ARID4A: variants seen among roughly 807,000 people sequenced by gnomAD.
The protein encoded by ARID4A is AT-rich interaction domain 4A, also known as AT-rich interactive domain-containing protein 4A.
Under a neutral mutation model 148.6 loss-of-function variants are expected in ARID4A, and 39 were observed. The ratio of observed to expected loss-of-function variants is 0.26; its 90% CI spans 0.20 to 0.34. The LOEUF (loss-of-function observed/expected upper bound fraction) is 0.34. Among genes scored for constraint, ARID4A ranks in the 10% least tolerant of loss-of-function variants. The pLI, the probability that ARID4A is intolerant of heterozygous loss-of-function variation, is 1.00. For synonymous variants in ARID4A, 475 were observed against 481.2 expected (o/e 0.99, Z 0.17); for missense variants, 1,265 against 1,449.1 (o/e 0.87, Z 2.06).
chr14:58,301,825 A>G, intron 3 of ARID4A, 135 bp downstream of exon 3: 1 of 513,880 alleles, frequency 1.9e-6, no homozygotes, highest in African/African-American at 2.0e-5. Flanking sequence ...GGAAAAGCAC[A>G]TCAAAAATAA....
Position 58,318,611 on chromosome 14 carries a change from CAG to C in ARID4A, c.349_350del (p.Ser117Ter). On this transcript the variant is annotated frameshift_variant, in exon 6 of 24. Coordinates refer to ENST00000355431, the MANE Select transcript of ARID4A (RefSeq NM_002892.4). LOFTEE classifies it high-confidence loss of function. ...TGTCTGAAAGGAGAGAGACATTTTG[CAG>C]AGAGTGAGGTAGGGTGACACGGATG... 6.2e-7 allele frequency: 1 copy of C among 1,614,118 alleles called. No individual in the cohort carries two copies. Among genetic ancestry groups the C allele is most frequent in the Non-Finnish European group, 8.5e-7 (1 of 1,180,004 alleles).
Position 58,329,552 on chromosome 14 carries a change from T to A in ARID4A, c.687T>A (p.Ile229=). The change falls in exon 10 of 24, where the codon ATT becomes ATA. Residue 229 remains isoleucine, a synonymous_variant. Coordinates refer to ENST00000355431, the MANE Select transcript of ARID4A (RefSeq NM_002892.4). ...GTTACTCTATAGCAAGAAAGGACAT[T>A]AAGGAAGTAGACATTCTCAATCTAC... The part of the protein sequence containing the change: ...SKFYSIARKD[I]KEVDILNLPE... The A allele has an allele frequency of 3.1e-6, 5 of 1,606,608 alleles. No homozygotes were observed. The highest frequency in any genetic ancestry group is 4.3e-6 in the Non-Finnish European group (5 of 1,173,514).
intron 11 of ARID4A, among the ~76,000 whole-genome samples, chr14:58,332,007 C>CG (rs1241753535): frequency 1.4e-5 from 2 of 144,884 alleles, no homozygotes; most frequent in Non-Finnish European, 3.0e-5. Flanking sequence ...CCCCCCCCCC[C>CG]CAAAAAACCC....
chr14:58,319,562 G>A (rs191755530), intron 7 of ARID4A, among the ~76,000 whole-genome samples: 7 of 45,400 alleles, frequency 1.5e-4, no homozygotes, highest in Admixed American at 1.1e-3. Flanking sequence ...TTTTTTTTTG[G>A]TGAGATGGAG....
At chr14:58,317,830 AACCTTTATTTCT>A (rs2032570984) in intron 5 of ARID4A, among the ~76,000 whole-genome samples, 2 of 151,378 alleles carry the variant, frequency 1.3e-5, no homozygotes, top group Non-Finnish European at 2.9e-5. Flanking sequence ...TCCTTATTTC[AACCTTTATTTCT>A]AAACTTCTCA....
intron 23 of ARID4A, 94 bp downstream of exon 23, chr14:58,367,123 C>T: frequency 1.0e-6 from 1 of 973,002 alleles, no homozygotes; most frequent in East Asian, 3.1e-5. Flanking sequence ...ATATAGTACA[C>T]ATTCATTAAT....
chr14:58,316,456 A>T (rs1024097989), intron 5 of ARID4A, among the ~76,000 whole-genome samples: 7 of 152,340 alleles, frequency 4.6e-5, no homozygotes, highest in African/African-American at 1.4e-4. Context: ...ACAGTCTCAA[A>T]AGTTAAACCT....
chr14:58,346,589 G>A (rs1278000165), intron 13 of ARID4A, 84 bp downstream of exon 13: 2 of 810,356 alleles, frequency 2.5e-6, no homozygotes, highest in East Asian at 5.8e-5. Context: ...TATGCACATT[G>A]GATAATAAAT....
chr14:58,329,999 T>C lies in ARID4A; in HGVS notation c.740-4T>C. ...CAACTGCTGAAGTACATTTTCACTC[T>C]TAGGGCTTCAGAAAGCAAGCATCTT... On this transcript the variant is annotated splice_polypyrimidine_tract_variant and splice_region_variant and intron_variant, in intron 10 of 23. Transcript: ENST00000355431. The C allele has an allele frequency of 6.2e-7, 1 of 1,608,316 alleles. No individual in the cohort carries two copies. The highest frequency in any genetic ancestry group is 8.5e-7 in the Non-Finnish European group (1 of 1,178,550).
chr14:58,303,611 G>C (rs2031371388), intron 3 of ARID4A: 1 of 458,802 alleles, frequency 2.2e-6, no homozygotes, highest in African/African-American at 2.0e-5. Context: ...CTGATACATA[G>C]TGGACCCTCA....
intron 11 of ARID4A, 49 bp from the exon 12 acceptor site, chr14:58,344,646 A>G (rs759378522): frequency 6.1e-6 from 8 of 1,320,702 alleles, no homozygotes; most frequent in African/African-American, 6.0e-5. Flanking sequence ...GAAGACATGT[A>G]TCTTTTCCAG....
chr14:58,339,498 T>G (rs1205784529), intron 11 of ARID4A, among the ~76,000 whole-genome samples: 1 of 152,188 alleles, frequency 6.6e-6, no homozygotes, highest in Non-Finnish European at 1.5e-5. Flanking sequence ...TACATGGGTC[T>G]GAGGAGCTTT....
chr14:58,338,129 A>C (rs2033923086), intron 11 of ARID4A, among the ~76,000 whole-genome samples: 1 of 152,202 alleles, frequency 6.6e-6, no homozygotes, highest in African/African-American at 2.4e-5. Flanking sequence ...GATAAAACGC[A>C]AGTTTTAAAA....
chr14:58,337,246 T>A (rs2754222), intron 11 of ARID4A, among the ~76,000 whole-genome samples: 1,985 of 83,082 alleles, frequency 0.024, 185 homozygotes, highest in African/African-American at 0.065. Context: ...TTCTCTTTAT[T>A]TATATATATA....
At chr14:58,314,490 A>G (rs1043337202) in intron 5 of ARID4A, among the ~76,000 whole-genome samples, 1 of 152,182 alleles carries the variant, frequency 6.6e-6, no homozygotes, top group Non-Finnish European at 1.5e-5. Flanking sequence ...TGCAGTGGCA[A>G]TTATAGCTCC....
intron 7 of ARID4A, among the ~76,000 whole-genome samples, chr14:58,319,987 C>T (rs1415831792): frequency 8.5e-5 from 11 of 129,336 alleles, no homozygotes; most frequent in Admixed American, 3.5e-4. Context: ...ATCACTCTGT[C>T]GCCAGGCTGG....
intron 17 of ARID4A, among the ~76,000 whole-genome samples, chr14:58,355,695 T>A (rs1276870466): frequency 6.6e-6 from 1 of 152,210 alleles, no homozygotes; most frequent in Non-Finnish European, 1.5e-5. Flanking sequence ...TGTTATTGAA[T>A]TCAGGGGAAA....
intron 4 of ARID4A, among the ~76,000 whole-genome samples, chr14:58,305,346 C>T (rs898122386): frequency 4.6e-5 from 7 of 152,108 alleles, no homozygotes; most frequent in South Asian, 2.1e-4. Flanking sequence ...AGTTGAGTAT[C>T]ATAACCATCA....
At chr14:58,335,714 T>A (rs146339141) in intron 11 of ARID4A, among the ~76,000 whole-genome samples, 1 of 152,182 alleles carries the variant, frequency 6.6e-6, no homozygotes, top group Non-Finnish European at 1.5e-5. Context: ...TGTCCTTAAT[T>A]CATTTTGATA....
Sources: allele counts gnomAD v4.1 joint callset (sites outside exome capture counted in the v4.1 genomes callset), GRCh38; gene constraint gnomAD v4.1.1; transcripts MANE v1.5; gene names NCBI Gene and HGNC (gene_info 2026-07-23, HGNC 2026-07-21).